Variants in FAM118B observed in about 807,000 individuals in gnomAD.
The protein encoded by FAM118B is protein FAM118B.
FAM118B carries 24 observed loss-of-function variants against 38.5 expected under a neutral mutation model. The ratio of observed to expected loss-of-function variants is 0.62; its 90% CI spans 0.45 to 0.88. The LOEUF (loss-of-function observed/expected upper bound fraction) is 0.88. FAM118B is among the 40% of genes least tolerant of loss of function. The pLI is 0.00. For synonymous variants in FAM118B, 138 were observed against 156.3 expected, an observed-to-expected ratio of 0.88 and a Z score of 0.87; for missense variants, 334 against 420.0, an observed-to-expected ratio of 0.80 and a Z score of 1.79.
chr11:126,229,874 T>C (rs1421498096), intron 2 of FAM118B, among the ~76,000 whole-genome samples: 1 of 152,230 alleles, frequency 6.6e-6, no homozygotes, highest in African/African-American at 2.4e-5. Flanking sequence ...GTGAGGTCTT[T>C]CTCCTTACCT....
At chr11:126,218,608 A>G (rs1225344654) in intron 1 of FAM118B, among the ~76,000 whole-genome samples, 2 of 152,250 alleles carry the variant, frequency 1.3e-5, no homozygotes, top group African/African-American at 4.8e-5. Context: ...AACTTAAGGA[A>G]TAAATGAATT....
chr11:126,259,646 C>T (rs1393646797), intron 7 of FAM118B, among the ~76,000 whole-genome samples: 4 of 151,234 alleles, frequency 2.6e-5, no homozygotes, highest in East Asian at 1.9e-4. Context: ...AGGATGGTCT[C>T]GGTCTCCTGA....
intron 1 of FAM118B, among the ~76,000 whole-genome samples, chr11:126,223,406 G>C (rs1270020184): frequency 6.6e-6 from 1 of 151,870 alleles, no homozygotes; most frequent in Non-Finnish European, 1.5e-5. Context: ...AAACCATCCT[G>C]GCTAACACGG....
intron 1 of FAM118B, among the ~76,000 whole-genome samples, chr11:126,225,769 C>T (rs1950132096): frequency 1.3e-5 from 2 of 152,136 alleles, no homozygotes; most frequent in Non-Finnish European, 2.9e-5. Context: ...CATTTGAGGT[C>T]AGGAGTTCGA....
intron 1 of FAM118B, among the ~76,000 whole-genome samples, chr11:126,220,622 G>A (rs921382485): frequency 6.6e-6 from 1 of 152,108 alleles, no homozygotes; most frequent in African/African-American, 2.4e-5. Flanking sequence ...GGCTGAGATA[G>A]GAGGATCCCT....
chr11:126,238,989 T>TC (rs1204787179), intron 3 of FAM118B, among the ~76,000 whole-genome samples: 1 of 151,348 alleles, frequency 6.6e-6, no homozygotes, highest in Non-Finnish European at 1.5e-5. Context: ...TTTTTTTTTT[T>TC]CGAGACAAGG....
Position 126,241,060 on chromosome 11 carries a change from T to TAG in FAM118B, c.339+16_339+17insAG. On this transcript the variant is annotated intron_variant, in intron 4 of 8. Coordinates refer to ENST00000533050, the MANE Select transcript of FAM118B (RefSeq NM_024556.4). The stretch of plus-strand genomic sequence containing the variant: ...ACTCTCTCCTGTGAGTACCCTAGTA[T>TAG]GTGCCACAGTATTTGGAATTTCCTA... The TAG allele has an allele frequency of 1.3e-6, 2 of 1,540,440 alleles. No homozygotes were observed. The highest frequency in any genetic ancestry group is 1.7e-6 in the Non-Finnish European group (2 of 1,143,766).
chr11:126,223,097 C>T (rs868194294), intron 1 of FAM118B, among the ~76,000 whole-genome samples: 16 of 7,132 alleles, frequency 2.2e-3, no homozygotes, highest in African/African-American at 7.0e-3. Context: ...TGAGGTGGGG[C>T]GGGGGAGGGG....
intron 1 of FAM118B, among the ~76,000 whole-genome samples, chr11:126,213,117 G>A (rs1455703719): frequency 6.7e-6 from 1 of 149,582 alleles, no homozygotes. Flanking sequence ...GTTGATCTGT[G>A]AGTCCCTGGA....
intron 1 of FAM118B, among the ~76,000 whole-genome samples, chr11:126,221,605 G>A (rs1591502577): frequency 1.3e-5 from 2 of 152,208 alleles, no homozygotes; most frequent in South Asian, 2.1e-4. Flanking sequence ...AAGCACCACC[G>A]AGATCTGAAC....
rs58005174 is a variant in FAM118B at position 126,224,475 on chromosome 11, C to CA, written c.-76-4721dup. On this transcript the variant is annotated intron_variant, in intron 1 of 8. Coordinates refer to ENST00000533050, the MANE Select transcript of FAM118B (RefSeq NM_024556.4). The stretch of plus-strand genomic sequence containing the variant: ...TGGGTGACAGAGCGAGACCCTGTCT[C>CA]AAAAAAAAAAAAAAAAAAAAAAAAA... Among the ~76,000 whole-genome samples the CA allele has an allele frequency of 9.4e-3, 875 of 93,182 alleles. 28 individuals are homozygous for CA. The highest frequency in any genetic ancestry group is 0.011 in the African/African-American group (294 of 25,936). The allele number at this position is 93,182 out of a possible 152,430, so 61.1% of individuals were successfully genotyped here. A position where few individuals can be genotyped will look rare whatever the true frequency, so the allele number is the denominator to read the frequency against.
Position 126,250,549 on chromosome 11 carries a change from A to T in FAM118B, c.383A>T (p.Tyr128Phe), listed in dbSNP as rs1323530713. The T allele has an allele frequency of 6.2e-7, 1 of 1,614,132 alleles. No individual in the cohort carries two copies. Among genetic ancestry groups the T allele is most frequent in the South Asian group, 1.1e-5 (1 of 91,086 alleles). The change falls in exon 5 of 9, where the codon TAT becomes TTT. Residue 128 changes from tyrosine (Y) to phenylalanine (F), a missense_variant. Coordinates refer to ENST00000533050, the MANE Select transcript of FAM118B (RefSeq NM_024556.4). This position sits in a 1 kb window ranked among gnomAD's most constrained non-coding sequence, Gnocchi z 5.1. ...VRSTFFKDCL[Y>F]EVFDDLESKM... ...TCCACATTTTTCAAGGACTGTTTAT[A>T]TGAAGTATTTGATGACTTGGAGTCA...
At chr11:126,231,722 C>T (rs1039586920) in intron 2 of FAM118B, among the ~76,000 whole-genome samples, 2 of 152,126 alleles carry the variant, frequency 1.3e-5, no homozygotes, top group Non-Finnish European at 2.9e-5. Context: ...AGAAATAAGT[C>T]AGAAAGCTTA....
rs369602343 is a variant in FAM118B, at chr11:126,211,805, G to C, written c.-102G>C. ...CTGCGCCGGCCGGTAGCTGCAGCTG[G>C]AGCAGTGGCGTTTGGAGGAGACTCG... On this transcript the variant is annotated 5_prime_UTR_variant, in exon 1 of 9. Transcript: ENST00000533050. 7 of 698,184 alleles carry C rather than the reference G, an allele frequency of 1.0e-5. No individual in the cohort carries two copies. The highest frequency in any genetic ancestry group is 1.7e-5 in the Non-Finnish European group (7 of 423,514). 43.2% of individuals were successfully genotyped at this position (698,184 alleles called of 1,614,324 possible).
intron 1 of FAM118B, among the ~76,000 whole-genome samples, chr11:126,220,356 T>TTC (rs908838598): frequency 2.0e-5 from 3 of 152,020 alleles, no homozygotes; most frequent in Non-Finnish European, 4.4e-5. Flanking sequence ...GCTTTCTGTT[T>TTC]TCTCTCTCTC....
At position 126,250,445 on chromosome 11, in the gene FAM118B, T is replaced by G; in HGVS notation, c.340-61T>G. 1 of 1,206,928 alleles carries G rather than the reference T, an allele frequency of 8.3e-7. No homozygotes were observed. Among genetic ancestry groups the G allele is most frequent in the Non-Finnish European group, 1.2e-6 (1 of 827,620 alleles). The allele number at this position is 1,206,928 out of a possible 1,614,324, so 74.8% of individuals were successfully genotyped here. On this transcript the variant is annotated intron_variant, in intron 4 of 8. Coordinates refer to ENST00000533050, the MANE Select transcript of FAM118B (RefSeq NM_024556.4). The surrounding 1 kb of genome is among the most constrained non-coding windows in gnomAD (Gnocchi z 5.1). ...TTCCAAAATTTGTTACTGCTGTAAC[T>G]AAAACAACTGACCTACCAAAGCACT...
At chr11:126,254,240 C>T in intron 5 of FAM118B, 65 bp from the exon 6 acceptor site, 1 of 1,562,544 alleles carries the variant, frequency 6.4e-7, no homozygotes, top group Non-Finnish European at 8.7e-7. Context: ...GCCTCTTGCC[C>T]ATTGTGACCT....
At chr11:126,213,161 A>C (rs1949913932) in intron 1 of FAM118B, among the ~76,000 whole-genome samples, 1 of 152,122 alleles carries the variant, frequency 6.6e-6, no homozygotes, top group Non-Finnish European at 1.5e-5. Context: ...CACCTGGCAC[A>C]TAGTAAACTC....
At chr11:126,224,459 G>A (rs1950110499) in intron 1 of FAM118B, among the ~76,000 whole-genome samples, 2 of 126,966 alleles carry the variant, frequency 1.6e-5, no homozygotes, top group South Asian at 2.7e-4. Context: ...CTGGGTGACA[G>A]AGCGAGACCC....
Sources: allele counts gnomAD v4.1 joint callset (sites outside exome capture counted in the v4.1 genomes callset), GRCh38; gene constraint gnomAD v4.1.1; non-coding constraint Gnocchi (gnomAD v3.1); transcripts MANE v1.5; gene names NCBI Gene and HGNC (gene_info 2026-07-23, HGNC 2026-07-21).